ABCA12: variants seen among roughly 807,000 people sequenced by gnomAD.
ABCA12 encodes the protein ATP binding cassette subfamily A member 12.
Under a neutral mutation model 293.5 loss-of-function variants are expected in ABCA12, and 156 were observed. The ratio of observed to expected loss-of-function variants is 0.53; its 90% CI spans 0.47 to 0.61. ABCA12 has a LOEUF of 0.61. Ranked by LOEUF, ABCA12 falls within the 20% of genes least tolerant of loss-of-function variation. ABCA12 has a pLI of 0.00. For missense variants in ABCA12, 2,797 were observed against 3,090.2 expected (o/e 0.91, Z 2.25); for synonymous variants, 1,063 against 1,108.0 (o/e 0.96, Z 0.81).
rs551610950 is a variant in ABCA12 at position 214,962,819 on chromosome 2, C to A, written c.5885-3741G>T. Reference sequence around the variant, plus strand: ...TTGAACAACCTTTTCCAGAATGACTCTTGGGTAAATAATGAAATTAAGGCA... The same window carrying A: ...TTGAACAACCTTTTCCAGAATGACTATTGGGTAAATAATGAAATTAAGGCA... On this transcript the variant is annotated intron_variant, in intron 39 of 52. Coordinates refer to ENST00000272895, the MANE Select transcript of ABCA12 (RefSeq NM_173076.3). 6 of 152,196 alleles carry A rather than the reference C, an allele frequency of 3.9e-5. No homozygotes were observed. The South Asian group carries it at 1.2e-3, about 32-fold the overall frequency. The allele number at this position is 152,196 out of a possible 1,614,324, so 9.4% of individuals were successfully genotyped here. A position where few individuals can be genotyped will look rare whatever the true frequency, so the allele number is the denominator to read the frequency against.
At chr2:214,989,035 C>T (rs1057454315) in intron 26 of ABCA12, among the ~76,000 whole-genome samples, 22 of 149,594 alleles carry the variant, frequency 1.5e-4, no homozygotes, top group East Asian at 2.0e-4. Flanking sequence ...AAAAATTAGC[C>T]GGGCGTGGTG....
intron 8 of ABCA12, among the ~76,000 whole-genome samples, chr2:215,035,043 G>T (rs1460473685): frequency 6.6e-6 from 1 of 152,182 alleles, no homozygotes; most frequent in Middle Eastern, 3.2e-3. Flanking sequence ...TACGGGGCAG[G>T]TATCTGTACT....
At chr2:214,945,711 T>C (rs181342403) in intron 48 of ABCA12, among the ~76,000 whole-genome samples, 9 of 152,262 alleles carry the variant, frequency 5.9e-5, no homozygotes, top group African/African-American at 2.2e-4. Flanking sequence ...AATCTAAACA[T>C]ACAATAACAG....
Position 214,986,655 on chromosome 2 carries a change from C to T in ABCA12, c.4050G>A (p.Gly1350=), listed in dbSNP as rs534683860. Reference sequence around the variant, plus strand: ...CTTTTGAGCCATAGATCTTTGTGACCCCATGCAGGGCAACCCCGACTGTGA... The same window carrying T: ...CTTTTGAGCCATAGATCTTTGTGACTCCATGCAGGGCAACCCCGACTGTGA... ...KDLTVGVALH[G]VTKIYGSKVA... is the part of the protein sequence containing the mutation. The change falls in exon 28 of 53, where the codon GGG becomes GGA. Residue 1350 remains glycine, a synonymous_variant. Coordinates refer to ENST00000272895, the MANE Select transcript of ABCA12 (RefSeq NM_173076.3). 4 of 1,614,002 alleles carry T rather than the reference C, an allele frequency of 2.5e-6. No homozygotes were observed. The African/African-American group carries it at 4.0e-5, about 16-fold the overall frequency.
chr2:214,968,810 A>G lies in ABCA12; in HGVS notation c.5691-3T>C, dbSNP rs180759568. ...GCCCAAAACTCCAACCTCCATATCT[A>G]CAGAGAGTAATAAAAATATATCTTT... On this transcript the variant is annotated splice_polypyrimidine_tract_variant and splice_region_variant and intron_variant, in intron 37 of 52. Transcript: ENST00000272895. 2.3e-4 allele frequency: 367 copies of G among 1,611,870 alleles called. No individual in the cohort carries two copies. In the African/African-American group the frequency reaches 3.2e-3, roughly 14 times the overall value.
At position 215,131,702 on chromosome 2, in the gene ABCA12, G is replaced by C. The variant is rs542478034; in HGVS notation, c.69+6438C>G. ...TTTTCATTCATTGATCCTTTCTATT[G>C]TTTTTTTTTTTTTTTTTTTTGGCCT... On this transcript the variant is annotated intron_variant, in intron 1 of 52. Coordinates refer to ENST00000272895, the MANE Select transcript of ABCA12 (RefSeq NM_173076.3). Among the ~76,000 whole-genome samples the C allele has an allele frequency of 1.8e-3, 145 of 80,166 alleles. 1 individual carries two copies. The highest frequency in any genetic ancestry group is 4.4e-3 in the African/African-American group (116 of 26,082). The allele number at this position is 80,166 out of a possible 152,430, so 52.6% of individuals were successfully genotyped here.
intron 23 of ABCA12, among the ~76,000 whole-genome samples, chr2:214,992,074 A>C (rs925031026): frequency 1.3e-5 from 2 of 152,012 alleles, no homozygotes; most frequent in African/African-American, 4.8e-5. Flanking sequence ...AGTCCCCTGG[A>C]CCTTGGTTTG....
At chr2:215,112,668 T>C (rs1205555062) in intron 1 of ABCA12, among the ~76,000 whole-genome samples, 4 of 151,864 alleles carry the variant, frequency 2.6e-5, no homozygotes, top group African/African-American at 4.8e-5. Context: ...TGGCTAATTT[T>C]TGTATTTTTA....
In ABCA12 at chr2:214,942,928, C is replaced by T. The variant is rs1559103934; in HGVS notation, c.7433G>A (p.Ser2478Asn). 2 of 1,612,922 alleles carry T rather than the reference C, an allele frequency of 1.2e-6. No individual in the cohort carries two copies. Among genetic ancestry groups the T allele is most frequent in the African/African-American group, 1.3e-5 (1 of 74,980 alleles). Residue 2478 changes from serine to asparagine, a missense_variant, in exon 50 of 53, where the codon AGC (serine) becomes AAC (asparagine). Transcript: ENST00000272895. ...QCIGSLQHIK[S>N]RFGRGFTVKV... ...AAGCAATGCATTTGTTCTTCACCTG[C>T]TCTTTATGTGCTGCAAAGATCCAAT... is the stretch of plus-strand genomic sequence containing the variant.
chr2:215,116,475 G>T (rs943750009), intron 1 of ABCA12, among the ~76,000 whole-genome samples: 2 of 152,138 alleles, frequency 1.3e-5, no homozygotes, highest in Non-Finnish European at 2.9e-5. Flanking sequence ...GAAGGGTGAT[G>T]GATTTACTGC....
At chr2:215,025,622 CTTTTTGTTTTTTTTTTTGT>C (rs1209840680) in intron 11 of ABCA12, 32 bp downstream of exon 11, 23 of 1,062,648 alleles carry the variant, frequency 2.2e-5, no homozygotes, top group Middle Eastern at 5.4e-4. Context: ...TTTGTTTTGT[CTTTTTGTTTTTTTTTTTGT>C]TTTTTGTTTT....
At chr2:214,989,296 A>T in intron 26 of ABCA12, 33 bp downstream of exon 26, 1 of 1,608,950 alleles carries the variant, frequency 6.2e-7, no homozygotes. Flanking sequence ...GTCAACCATA[A>T]AAAGCATGTA....
In ABCA12 at chr2:214,958,376, G is replaced by A. The variant is rs1236767437; in HGVS notation, c.6018C>T (p.Thr2006=). Residue 2006 remains threonine, a synonymous_variant, in exon 41 of 53, where the codon ACC becomes ACT. Coordinates refer to ENST00000272895, the MANE Select transcript of ABCA12 (RefSeq NM_173076.3). ...GYSVTTASFV[T]YVVREHQTKA... ...TGGTTTGATGTTCCCTTACAACATA[G>A]GTGACAAAGCTGGCGGTGGTGACAG... The A allele has an allele frequency of 6.2e-7, 1 of 1,613,892 alleles. No individual in the cohort carries two copies. The highest frequency in any genetic ancestry group is 8.5e-7 in the Non-Finnish European group (1 of 1,179,922).
chr2:215,070,733 C>T (rs1372448356), intron 2 of ABCA12, among the ~76,000 whole-genome samples: 1 of 151,708 alleles, frequency 6.6e-6, no homozygotes, highest in African/African-American at 2.4e-5. Context: ...TATGGAAAGA[C>T]AGAAAAAAGA....
rs934113478 is a variant in ABCA12 at position 214,982,861 on chromosome 2, A to C, written c.4383-478T>G. Among the ~76,000 whole-genome samples the C allele has an allele frequency of 2.0e-4, 31 of 152,326 alleles. No individual in the cohort carries two copies. The South Asian group carries it at 2.5e-3, about 12-fold the overall frequency. ...GTAAGTTTTGGTGGTGATAAGTGCA[A>C]TTAAAAAAAATAAAGCAGTGAATAT... On this transcript the variant is annotated intron_variant, in intron 29 of 52. Transcript: ENST00000272895.
In ABCA12 at chr2:214,934,178, A is replaced by G. The variant is rs1236917027; in HGVS notation, c.7580T>C (p.Val2527Ala). 1.2e-6 allele frequency: 2 copies of G among 1,613,794 alleles called. No homozygotes were observed. Among genetic ancestry groups the G allele is most frequent in the Admixed American group, 1.7e-5 (1 of 59,968 alleles). The change falls in exon 52 of 53, where the codon GTC becomes GCC. Residue 2527 changes from valine to alanine, a missense_variant. Val to Ala is a moderately conservative substitution (Grantham distance 64, BLOSUM62 0). This residue lies in a region of ABCA12 where 2,130 missense variants were observed against 2,427.0 expected (regional missense o/e 0.88). Transcript: ENST00000272895. Reference protein sequence around the residue: ...HLSMLEYHVPVTAGGVANIFD... With the variant: ...HLSMLEYHVPATAGGVANIFD... ...AATGTTTGCGACTCCTCCTGCTGTGACTGGTACATGATACTCTAGCATGCT... is the reference window on the plus strand; with the variant it reads ...AATGTTTGCGACTCCTCCTGCTGTGGCTGGTACATGATACTCTAGCATGCT...
intron 46 of ABCA12, 149 bp downstream of exon 46, chr2:214,948,891 C>T (rs1698663869): frequency 8.5e-7 from 1 of 1,182,798 alleles, no homozygotes. Context: ...CACATTTAAA[C>T]ATTTAAACAT....
intron 3 of ABCA12, among the ~76,000 whole-genome samples, chr2:215,060,991 A>G (rs971767119): frequency 6.6e-6 from 1 of 152,006 alleles, no homozygotes; most frequent in Non-Finnish European, 1.5e-5. Flanking sequence ...CCCTTCTCCA[A>G]ATAATGACCC....
At chr2:215,132,764 G>A (rs541836409) in intron 1 of ABCA12, among the ~76,000 whole-genome samples, 7 of 151,972 alleles carry the variant, frequency 4.6e-5, no homozygotes, top group Non-Finnish European at 4.4e-5. Context: ...GTGAGATTTT[G>A]TTCTTGATGT....
Sources: gnomAD v4.1 joint callset for allele counts (sites outside exome capture counted in the v4.1 genomes callset) on GRCh38, gnomAD v4.1.1 for gene constraint, gnomAD v4.1.1 regional missense constraint, MANE v1.5 for transcripts, NCBI Gene and HGNC (gene_info 2026-07-23, HGNC 2026-07-21) for gene names.